Variants in RBFOX1 observed in about 807,000 individuals in gnomAD.
RBFOX1 encodes RNA binding fox-1 homolog 1, also known as RNA binding protein fox-1 homolog 1.
Under a neutral mutation model 57.7 loss-of-function variants are expected in RBFOX1, and 8 were observed. That is an observed-to-expected ratio of 0.14 (90% CI 0.08 to 0.25). The LOEUF (loss-of-function observed/expected upper bound fraction) is 0.25, where lower values mean the gene tolerates loss of function less well. RBFOX1 is among the 10% of genes least tolerant of loss of function. The probability of loss-of-function intolerance (pLI) is 1.00; values close to 1 mark genes in which losing one functional copy is unlikely to be tolerated. For synonymous variants in RBFOX1, 326 were observed against 222.4 expected (o/e 1.47, Z -4.15); for missense variants, 611 against 548.5 (o/e 1.11, Z -1.14).
chr16:7,002,080 C>T (rs915592307), intron 3 of RBFOX1, among the ~76,000 whole-genome samples: 3 of 151,090 alleles, frequency 2.0e-5, no homozygotes, highest in African/African-American at 7.3e-5. Flanking sequence ...GGGGACTTTG[C>T]TCTTAGACGC....
intron 3 of RBFOX1, among the ~76,000 whole-genome samples, chr16:5,715,306 G>A (rs2051652566): frequency 6.6e-6 from 1 of 152,158 alleles, no homozygotes; most frequent in African/African-American, 2.4e-5. Context: ...AATTGTGGGT[G>A]TCCACTGGGC....
intron 3 of RBFOX1, among the ~76,000 whole-genome samples, chr16:6,941,277 C>A (rs1347073717): frequency 9.6e-6 from 1 of 104,186 alleles, no homozygotes; most frequent in African/African-American, 3.7e-5. Context: ...CTCTCTCCCT[C>A]CCTTCCCTCC....
intron 4 of RBFOX1, among the ~76,000 whole-genome samples, chr16:7,079,164 A>T (rs991457228): frequency 1.3e-5 from 2 of 152,058 alleles, no homozygotes; most frequent in East Asian, 3.9e-4. Flanking sequence ...TTATAATCAG[A>T]CTCACTGACT....
chr16:7,419,167 C>G (rs2098514636), intron 4 of RBFOX1, among the ~76,000 whole-genome samples: 1 of 152,196 alleles, frequency 6.6e-6, no homozygotes, highest in African/African-American at 2.4e-5. Flanking sequence ...CGTGGCCTCC[C>G]AAAGTGCTGG....
chr16:5,446,800 C>T (rs1051951983), intron 1 of RBFOX1, among the ~76,000 whole-genome samples: 1 of 152,140 alleles, frequency 6.6e-6, no homozygotes, highest in African/African-American at 2.4e-5. Flanking sequence ...GTTCTCACAG[C>T]TGGGCTCCAC....
chr16:6,365,475 G>C (rs1006262704), intron 2 of RBFOX1, among the ~76,000 whole-genome samples: 4 of 151,960 alleles, frequency 2.6e-5, no homozygotes, highest in African/African-American at 7.3e-5. Flanking sequence ...TGGGTGGGTG[G>C]ATGGGTAGGT....
At chr16:7,151,705 T>C (rs904868527) in intron 4 of RBFOX1, among the ~76,000 whole-genome samples, 1 of 152,164 alleles carries the variant, frequency 6.6e-6, no homozygotes, top group African/African-American at 2.4e-5. Context: ...CAACTCACCA[T>C]AATGTAGAAT....
At chr16:6,938,613 T>C (rs900090701) in intron 3 of RBFOX1, among the ~76,000 whole-genome samples, 29 of 152,146 alleles carry the variant, frequency 1.9e-4, no homozygotes, top group African/African-American at 6.8e-4. Context: ...GTGGATTTAG[T>C]TGGACTGTTT....
intron 4 of RBFOX1, among the ~76,000 whole-genome samples, chr16:7,062,344 G>C (rs1014720614): frequency 1.5e-5 from 2 of 132,956 alleles, no homozygotes; most frequent in Non-Finnish European, 3.2e-5. Context: ...AAAAAGAAAA[G>C]AAAAAAGGAA....
intron 5 of RBFOX1, among the ~76,000 whole-genome samples, chr16:7,518,783 G>A (rs2076933926): frequency 6.6e-6 from 1 of 152,172 alleles, no homozygotes; most frequent in Non-Finnish European, 1.5e-5. Context: ...AGCACTTTGG[G>A]AGGCCGAGAT....
At chr16:6,993,064 A>C (rs1196903261) in intron 3 of RBFOX1, among the ~76,000 whole-genome samples, 2 of 152,190 alleles carry the variant, frequency 1.3e-5, no homozygotes, top group African/African-American at 4.8e-5. Context: ...TGGTCCTCAC[A>C]GTCATTCCCT....
At chr16:6,655,373 CAAAAAAAAAAAAAAAAAAAAA>C (rs71406388) in intron 3 of RBFOX1, among the ~76,000 whole-genome samples, 2,358 of 33,954 alleles carry the variant, frequency 0.069, 255 homozygotes, top group Admixed American at 0.35. Flanking sequence ...GCCTCCGTTT[CAAAAAAAAAAAAAAAAAAAAA>C]AAAAAAAAAG....
At chr16:6,821,588 G>C (rs1032527980) in intron 3 of RBFOX1, among the ~76,000 whole-genome samples, 12 of 152,114 alleles carry the variant, frequency 7.9e-5, no homozygotes, top group Non-Finnish European at 1.6e-4. Flanking sequence ...CCACTGGTCG[G>C]TCTGTCACAA....
At chr16:6,622,680 A>G (rs370492588) in intron 2 of RBFOX1, among the ~76,000 whole-genome samples, 12 of 152,250 alleles carry the variant, frequency 7.9e-5, no homozygotes, top group East Asian at 3.8e-4. Context: ...TAAATGAATG[A>G]GTGAGCAATT....
chr16:5,399,966 A>G (rs1298489899), intron 1 of RBFOX1, among the ~76,000 whole-genome samples: 1 of 152,062 alleles, frequency 6.6e-6, no homozygotes, highest in Non-Finnish European at 1.5e-5. Flanking sequence ...TTTCCTCGAC[A>G]ATAACTTCTG....
chr16:6,947,686 T>G (rs376510548), intron 3 of RBFOX1, among the ~76,000 whole-genome samples: 2 of 152,214 alleles, frequency 1.3e-5, no homozygotes, highest in African/African-American at 4.8e-5. Context: ...GCTATATGAC[T>G]TCTCTGAGCC....
chr16:6,677,633 A>G (rs146237201), intron 3 of RBFOX1, among the ~76,000 whole-genome samples: 1 of 152,316 alleles, frequency 6.6e-6, no homozygotes, highest in African/African-American at 2.4e-5. Context: ...CATTAAAAGT[A>G]TATTTTTGAT....
chr16:7,207,836 G>C (rs977579580), intron 4 of RBFOX1, among the ~76,000 whole-genome samples: 1 of 152,170 alleles, frequency 6.6e-6, no homozygotes, highest in Admixed American at 6.5e-5. Flanking sequence ...TATCACCAGA[G>C]AATATCTTAC....
intron 3 of RBFOX1, among the ~76,000 whole-genome samples, chr16:5,710,920 A>G (rs2051464395): frequency 6.6e-6 from 1 of 152,186 alleles, no homozygotes; most frequent in South Asian, 2.1e-4. Flanking sequence ...ACATTAGCTT[A>G]TGCTGTGTGT....
Sources: gnomAD v4.1 joint callset for allele counts (sites outside exome capture counted in the v4.1 genomes callset) on GRCh38, gnomAD v4.1.1 for gene constraint, MANE v1.5 for transcripts, NCBI Gene and HGNC (gene_info 2026-07-23, HGNC 2026-07-21) for gene names.